Variants in BICD1 observed in about 807,000 individuals in gnomAD.
BICD1 encodes protein bicaudal D homolog 1.
BICD1 carries 35 observed loss-of-function variants against 92.5 expected under a neutral mutation model. The observed-to-expected ratio is 0.38, with a 90% CI of 0.29 to 0.50. The LOEUF (loss-of-function observed/expected upper bound fraction) is 0.50. Ranked by LOEUF, BICD1 falls within the 20% of genes least tolerant of loss-of-function variation. The pLI, the probability that BICD1 is intolerant of heterozygous loss-of-function variation, is 0.93. For missense variants in BICD1, 950 were observed against 1,189.8 expected (o/e 0.80, Z 2.97); for synonymous variants, 429 against 465.1 (o/e 0.92, Z 1.00).
intron 1 of BICD1, among the ~76,000 whole-genome samples, chr12:32,212,894 CATTT>C (rs1945258128): frequency 1.3e-5 from 2 of 152,146 alleles, no homozygotes; most frequent in Admixed American, 1.3e-4. Context: ...GCAGAGACTA[CATTT>C]ATTTATTTTT....
intron 1 of BICD1, among the ~76,000 whole-genome samples, chr12:32,164,667 G>A (rs1170921077): frequency 6.6e-6 from 1 of 152,134 alleles, no homozygotes; most frequent in Non-Finnish European, 1.5e-5. Flanking sequence ...TTCCTTAGTT[G>A]TGAGGGTCAA....
chr12:32,183,354 C>G (rs933451367), intron 1 of BICD1, among the ~76,000 whole-genome samples: 11 of 151,166 alleles, frequency 7.3e-5, no homozygotes, highest in African/African-American at 2.7e-4. Flanking sequence ...CTCATTGCAA[C>G]CGCTGGTTCA....
At chr12:32,186,149 T>G (rs1151029) in intron 1 of BICD1, among the ~76,000 whole-genome samples, 4 of 152,088 alleles carry the variant, frequency 2.6e-5, no homozygotes, top group Non-Finnish European at 5.9e-5. Context: ...ATTAAAACAC[T>G]TGAGATTCTG....
At position 32,182,402 on chromosome 12, in the gene BICD1, C is replaced by T. The variant is rs894837511; in HGVS notation, c.214-33845C>T. 4.0e-5 allele frequency among the ~76,000 whole-genome samples: 6 copies of T among 150,686 alleles called. 1 individual carries two copies. The highest frequency in any genetic ancestry group is 8.9e-5 in the Non-Finnish European group (6 of 67,670). ...GGTCCAGGCAATTCTCCTGCCTCAG[C>T]CTCCCTAGTAGCTGGGATTACAGGT... is the stretch of plus-strand genomic sequence containing the variant. On this transcript the variant is annotated intron_variant, in intron 1 of 9. Coordinates refer to ENST00000652176, the MANE Select transcript of BICD1 (RefSeq NM_001714.4).
rs898769831 is a variant in BICD1 at position 32,328,841 on chromosome 12, G to T, written c.2100+286G>T. On this transcript the variant is annotated intron_variant, in intron 5 of 9. Coordinates refer to ENST00000652176, the MANE Select transcript of BICD1 (RefSeq NM_001714.4). This position sits in a 1 kb window ranked among gnomAD's most constrained non-coding sequence, Gnocchi z 4.4. Reference sequence around the variant, plus strand: ...CAGATGTAGAAAGGCAGCTCAGGCGGTGCTGGGCTGAAGCCTGGCAGTGAG... The same window carrying T: ...CAGATGTAGAAAGGCAGCTCAGGCGTTGCTGGGCTGAAGCCTGGCAGTGAG... Among the ~76,000 whole-genome samples the T allele has an allele frequency of 4.6e-5, 7 of 152,134 alleles. No homozygotes were observed. The highest frequency in any genetic ancestry group is 1.7e-4 in the African/African-American group (7 of 41,440).
chr12:32,205,926 C>T (rs992880867), intron 1 of BICD1, among the ~76,000 whole-genome samples: 18 of 151,942 alleles, frequency 1.2e-4, no homozygotes, highest in African/African-American at 4.4e-4. Context: ...TTTGCATTCT[C>T]TAGCATTTCA....
chr12:32,338,743 C>A, intron 7 of BICD1, 43 bp from the exon 8 acceptor site: 2 of 1,502,830 alleles, frequency 1.3e-6, no homozygotes, highest in East Asian at 2.5e-5. Context: ...TAAAGTAAAA[C>A]TTTTTTGTTT....
At chr12:32,258,436 G>T (rs896933767) in intron 2 of BICD1, among the ~76,000 whole-genome samples, 8 of 152,090 alleles carry the variant, frequency 5.3e-5, no homozygotes, top group Non-Finnish European at 1.2e-4. Context: ...GACCTATGGG[G>T]CTTAGCGGGT....
At chr12:32,112,680 A>C (rs915861951) in intron 1 of BICD1, among the ~76,000 whole-genome samples, 1 of 152,186 alleles carries the variant, frequency 6.6e-6, no homozygotes, top group Non-Finnish European at 1.5e-5. Flanking sequence ...AGGAGAATGC[A>C]CGTAAAGTCA....
chr12:32,186,510 T>G (rs1450534292), intron 1 of BICD1, among the ~76,000 whole-genome samples: 1 of 152,184 alleles, frequency 6.6e-6, no homozygotes, highest in African/African-American at 2.4e-5. Context: ...ATGTCTAAAT[T>G]TCACACTTTC....
chr12:32,146,151 C>G (rs941697328), intron 1 of BICD1, among the ~76,000 whole-genome samples: 3 of 152,196 alleles, frequency 2.0e-5, no homozygotes, highest in African/African-American at 7.2e-5. Context: ...ATACTACCAG[C>G]GTTAAGTTGA....
chr12:32,142,644 T>A (rs1045205191), intron 1 of BICD1, among the ~76,000 whole-genome samples: 1 of 152,082 alleles, frequency 6.6e-6, no homozygotes, highest in Non-Finnish European at 1.5e-5. Context: ...TATAAAGAGA[T>A]CTCACACCAT....
chr12:32,370,758 G>A (rs1479878244), intron 9 of BICD1, among the ~76,000 whole-genome samples: 1 of 152,258 alleles, frequency 6.6e-6, no homozygotes, highest in East Asian at 1.9e-4. Context: ...CTGGCTTGGA[G>A]TGTCTGCTCA....
chr12:32,287,530 TG>T (rs2136181978), intron 2 of BICD1, among the ~76,000 whole-genome samples: 1 of 127,080 alleles, frequency 7.9e-6, no homozygotes, highest in African/African-American at 2.6e-5. Flanking sequence ...AGCTGGGTGG[TG>T]TTTTTTTTTT....
At chr12:32,219,670 G>T (rs931920706) in intron 2 of BICD1, among the ~76,000 whole-genome samples, 5 of 152,060 alleles carry the variant, frequency 3.3e-5, no homozygotes, top group Middle Eastern at 3.2e-3. Context: ...TCAGGCAGTA[G>T]AATTACACAT....
At chr12:32,155,554 A>G (rs1456902582) in intron 1 of BICD1, among the ~76,000 whole-genome samples, 1 of 152,238 alleles carries the variant, frequency 6.6e-6, no homozygotes. Context: ...TTGTAAAACA[A>G]AATGCTACAG....
At chr12:32,219,658 A>G (rs1396410184) in intron 2 of BICD1, among the ~76,000 whole-genome samples, 1 of 152,170 alleles carries the variant, frequency 6.6e-6, no homozygotes, top group East Asian at 1.9e-4. Context: ...TTGTGATATG[A>G]ATCAGGCAGT....
At chr12:32,162,254 G>A (rs1406825405) in intron 1 of BICD1, among the ~76,000 whole-genome samples, 1 of 152,190 alleles carries the variant, frequency 6.6e-6, no homozygotes, top group African/African-American at 2.4e-5. Context: ...AGCCTCTGCT[G>A]GAAAGAAGGC....
In BICD1 at chr12:32,338,962, T is replaced by C; in HGVS notation, c.2747T>C (p.Leu916Ser). 1 of 1,595,956 alleles carries C rather than the reference T, an allele frequency of 6.3e-7. No homozygotes were observed. Among genetic ancestry groups the C allele is most frequent in the Non-Finnish European group, 8.5e-7 (1 of 1,173,816 alleles). ...CACCGGCTCAGCAAGGAAAAAAGGT[T>C]AACCGTGGCTCCACCAGGTAAACAT... The part of the protein sequence containing the change: ...QGHRLSKEKR[L>S]TVAPPDCQQP... Residue 916 changes from leucine to serine, a missense_variant, in exon 8 of 10, where the codon TTA (leucine) becomes TCA (serine). Physicochemically the swap from Leu to Ser is moderately radical, Grantham distance 145. Around this residue, in one of 5 missense-constraint regions of BICD1, gnomAD observed 179 missense variants for 186.7 expected, o/e 0.96. Transcript: ENST00000652176.
Sources: gnomAD v4.1 joint callset for allele counts (sites outside exome capture counted in the v4.1 genomes callset) on GRCh38, gnomAD v4.1.1 for gene constraint, gnomAD v4.1.1 regional missense constraint, Gnocchi (gnomAD v3.1) non-coding constraint, MANE v1.5 for transcripts, NCBI Gene and HGNC (gene_info 2026-07-23, HGNC 2026-07-21) for gene names.